The following FRMPD4 variants were observed in gnomAD, a reference collection of about 807,000 sequenced individuals.
The protein encoded by FRMPD4 is FERM and PDZ domain containing 4.
A neutral mutation model predicts 94.1 loss-of-function variants in FRMPD4; 22 were observed. The ratio of observed to expected loss-of-function variants is 0.23; its 90% CI spans 0.17 to 0.33. The LOEUF (loss-of-function observed/expected upper bound fraction) is 0.33, where lower values mean the gene tolerates loss of function less well. Ranked by LOEUF, FRMPD4 falls within the 10% of genes least tolerant of loss-of-function variation. The probability of loss-of-function intolerance (pLI) is 1.00; values close to 1 mark genes in which losing one functional copy is unlikely to be tolerated. For missense variants in FRMPD4, 1,111 were observed against 1,339.9 expected (o/e 0.83, Z 2.67); for synonymous variants, 631 against 548.6 (o/e 1.15, Z -2.10).
At chrX:12,715,692 G>A (rs2042065444) in intron 14 of FRMPD4, among the ~76,000 whole-genome samples, 2 of 112,172 alleles carry the variant, frequency 1.8e-5, no homozygotes, top group South Asian at 7.5e-4. Context: ...ACGGCCTATT[G>A]AAATCTCACC....
At chrX:11,898,506 C>A (rs2053916727) in intron 3 of FRMPD4, among the ~76,000 whole-genome samples, 2 of 111,606 alleles carry the variant, frequency 1.8e-5, no homozygotes, top group Non-Finnish European at 3.8e-5. Context: ...CTAGGAGGAG[C>A]CTCTGAGCTG....
intron 3 of FRMPD4, among the ~76,000 whole-genome samples, chrX:12,041,580 T>C (rs2054756145): frequency 9.0e-6 from 1 of 111,190 alleles, no homozygotes; most frequent in Non-Finnish European, 1.9e-5. Context: ...CTTTCAAGAT[T>C]TTCTCTTTGT....
At position 12,318,154 on chromosome X, in the gene FRMPD4, T is replaced by C. The variant is rs143259259; in HGVS notation, c.41+179142T>C. Among the ~76,000 whole-genome samples the C allele has an allele frequency of 8.1e-3, 910 of 112,750 alleles. 8 individuals carry two copies. The highest frequency in any genetic ancestry group is 0.028 in the African/African-American group (860 of 31,057). ...AATGAAATCTTGTCATTTGCAGCAA[T>C]GCAAATGGAATTGTAGGACATTATG... On this transcript the variant is annotated intron_variant, in intron 1 of 16. Transcript: ENST00000675598.
chrX:12,538,498 T>C (rs778961375), intron 2 of FRMPD4, among the ~76,000 whole-genome samples: 31 of 111,574 alleles, frequency 2.8e-4, no homozygotes, highest in African/African-American at 9.8e-4. Context: ...AGCACAGAGT[T>C]TGAGATCTGA....
In FRMPD4 at chrX:12,707,498, C is replaced by T; in HGVS notation, c.1317C>T (p.Leu439=). Residue 439 remains leucine (L), a synonymous_variant, in exon 13 of 17, where the codon CTC becomes CTT. Coordinates refer to ENST00000675598, the MANE Select transcript of FRMPD4 (RefSeq NM_001368397.1). ...VQAEKRSEVT[L]LVGPRYGISH... is the part of the protein sequence containing the mutation. ...CAGAAAAGCGCTCGGAAGTGACTCT[C>T]CTGGTTGGGCCCCGGTATGGCATAA... The T allele has an allele frequency of 8.3e-7, 1 of 1,205,623 alleles. No homozygotes were observed. Among genetic ancestry groups the T allele is most frequent in the East Asian group, 3.0e-5 (1 of 33,395 alleles).
chrX:12,398,594 A>G (rs960626026), intron 1 of FRMPD4, among the ~76,000 whole-genome samples: 1 of 111,777 alleles, frequency 8.9e-6, no homozygotes, highest in African/African-American at 3.3e-5. Flanking sequence ...TTGGAAGATG[A>G]GCATCAAAAT....
At chrX:12,685,644 A>C (rs1469282857) in intron 6 of FRMPD4, among the ~76,000 whole-genome samples, 2 of 111,598 alleles carry the variant, frequency 1.8e-5, no homozygotes, top group African/African-American at 6.5e-5. Context: ...CTCATTCCTA[A>C]CTGGGTGAAA....
intron 1 of FRMPD4, among the ~76,000 whole-genome samples, chrX:12,354,581 G>A (rs1245140383): frequency 1.8e-5 from 2 of 112,226 alleles, no homozygotes; most frequent in Non-Finnish European, 3.8e-5. Context: ...TTCCAGCATC[G>A]GATAATATAA....
chrX:12,622,007 A>AAGG (rs2059299071), intron 4 of FRMPD4, among the ~76,000 whole-genome samples: 25 of 46,528 alleles, frequency 5.4e-4, no homozygotes, highest in East Asian at 2.5e-3. Context: ...AGAAAGAAAG[A>AAGG]AAGAAAGAAA....
At chrX:11,963,545 A>C (rs995457887) in intron 3 of FRMPD4, among the ~76,000 whole-genome samples, 5 of 112,114 alleles carry the variant, frequency 4.5e-5, no homozygotes, top group African/African-American at 1.6e-4. Context: ...TTATTCATCT[A>C]ATCTTTTTGA....
intron 1 of FRMPD4, among the ~76,000 whole-genome samples, chrX:12,413,792 G>T (rs1569266473): frequency 8.9e-6 from 1 of 112,477 alleles, no homozygotes. Context: ...TGAGGACCTG[G>T]TGTGCCTACC....
At chrX:12,031,322 A>G (rs918347643) in intron 3 of FRMPD4, among the ~76,000 whole-genome samples, 2 of 112,413 alleles carry the variant, frequency 1.8e-5, no homozygotes, top group Admixed American at 9.4e-5. Context: ...AATAAATTCT[A>G]CAAGAGATAT....
intron 2 of FRMPD4, among the ~76,000 whole-genome samples, chrX:12,537,923 C>T (rs1399368437): frequency 2.7e-5 from 3 of 111,244 alleles, no homozygotes; most frequent in African/African-American, 9.8e-5. Flanking sequence ...GCCTACAGCT[C>T]CCAGTGTGAG....
chrX:11,912,494 C>T (rs536983925), intron 3 of FRMPD4, among the ~76,000 whole-genome samples: 2 of 111,979 alleles, frequency 1.8e-5, no homozygotes, highest in South Asian at 7.5e-4. Context: ...GCTCAAATTC[C>T]TCCAAGGACA....
intron 3 of FRMPD4, among the ~76,000 whole-genome samples, chrX:11,969,543 G>T (rs1255442714): frequency 8.9e-6 from 1 of 112,089 alleles, no homozygotes; most frequent in Non-Finnish European, 1.9e-5. Context: ...ATTGTAGGGG[G>T]TTGACTTGCA....
intron 3 of FRMPD4, among the ~76,000 whole-genome samples, chrX:11,895,626 C>G (rs2053899211): frequency 8.9e-6 from 1 of 111,974 alleles, no homozygotes; most frequent in Non-Finnish European, 1.9e-5. Flanking sequence ...CCTGCTGCTG[C>G]TGGTAACATT....
At chrX:12,662,181 A>T (rs945848577) in intron 4 of FRMPD4, among the ~76,000 whole-genome samples, 17 of 104,874 alleles carry the variant, frequency 1.6e-4, no homozygotes, top group Non-Finnish European at 1.8e-4. Context: ...GAAAACAATT[A>T]TTTTTTTTTT....
intron 4 of FRMPD4, among the ~76,000 whole-genome samples, chrX:12,673,278 C>T (rs1244074479): frequency 1.8e-5 from 2 of 112,137 alleles, no homozygotes; most frequent in Non-Finnish European, 3.8e-5. Context: ...TTCTTGTTGC[C>T]TGTGAACGAG....
intron 3 of FRMPD4, among the ~76,000 whole-genome samples, chrX:12,118,365 C>G (rs2055426244): frequency 9.7e-6 from 1 of 103,310 alleles, no homozygotes; most frequent in Non-Finnish European, 1.9e-5. Context: ...ATTCTTACCT[C>G]ACTTTCTTGT....
Sources: allele counts gnomAD v4.1 joint callset (sites outside exome capture counted in the v4.1 genomes callset), GRCh38; gene constraint gnomAD v4.1.1; transcripts MANE v1.5; gene names NCBI Gene and HGNC (gene_info 2026-07-23, HGNC 2026-07-21).